The following ACAP2 variants were observed in gnomAD, a reference collection of about 807,000 sequenced individuals.
The protein encoded by ACAP2 is ArfGAP with coiled-coil, ankyrin repeat and PH domains 2, also known as arf-GAP with coiled-coil, ANK repeat and PH domain-containing protein 2.
A neutral mutation model predicts 115.8 loss-of-function variants in ACAP2; 39 were observed. The ratio of observed to expected loss-of-function variants is 0.34; its 90% confidence interval spans 0.26 to 0.44. ACAP2 has a LOEUF of 0.44. Among genes scored for constraint, ACAP2 ranks in the 20% least tolerant of loss-of-function variants. The probability of loss-of-function intolerance (pLI) is 1.00; values close to 1 mark genes in which losing one functional copy is unlikely to be tolerated. For missense variants in ACAP2, 662 were observed against 927.6 expected (o/e 0.71, Z 3.72); for synonymous variants, 289 against 315.8 (o/e 0.92, Z 0.90).
chr3:195,315,786 G>C (rs186030226), intron 10 of ACAP2, among the ~76,000 whole-genome samples: 22 of 152,250 alleles, frequency 1.4e-4, no homozygotes, highest in African/African-American at 5.1e-4. Context: ...TTGTAAATAG[G>C]AGGTAATGTC....
chr3:195,288,523 G>C (rs1726999232), intron 21 of ACAP2, among the ~76,000 whole-genome samples: 1 of 151,726 alleles, frequency 6.6e-6, no homozygotes, highest in African/African-American at 2.4e-5. Flanking sequence ...AATATTCAGG[G>C]GAAAAAAGGC....
At chr3:195,405,547 G>A (rs1488250369) in intron 1 of ACAP2, among the ~76,000 whole-genome samples, 2 of 152,150 alleles carry the variant, frequency 1.3e-5, no homozygotes, top group Non-Finnish European at 1.5e-5. Context: ...TTAGCTGGGT[G>A]TGGTGGCGCA....
intron 21 of ACAP2, among the ~76,000 whole-genome samples, chr3:195,288,282 T>C (rs1156264439): frequency 6.6e-6 from 1 of 152,226 alleles, no homozygotes; most frequent in African/African-American, 2.4e-5. Context: ...CTTCTTTTTC[T>C]ATAAAATGAA....
intron 4 of ACAP2, among the ~76,000 whole-genome samples, chr3:195,361,383 C>G (rs1022755969): frequency 6.0e-5 from 9 of 150,282 alleles, no homozygotes. Context: ...TTGCAGTGAG[C>G]AGAGATTGTG....
At chr3:195,327,008 T>A (rs990810086) in intron 8 of ACAP2, 49 bp from the exon 9 acceptor site, 7 of 1,500,490 alleles carry the variant, frequency 4.7e-6, no homozygotes, top group African/African-American at 1.4e-5. Context: ...AAGTATGGAT[T>A]AGTTTTTCAA....
chr3:195,288,614 T>C (rs1353443619), intron 21 of ACAP2, among the ~76,000 whole-genome samples: 3 of 152,132 alleles, frequency 2.0e-5, no homozygotes, highest in African/African-American at 7.2e-5. Flanking sequence ...TCCCAGCACT[T>C]TGGGAGGCCG....
intron 4 of ACAP2, among the ~76,000 whole-genome samples, chr3:195,377,042 T>C (rs2108742019): frequency 6.6e-6 from 1 of 151,934 alleles, no homozygotes; most frequent in East Asian, 2.0e-4. Flanking sequence ...AGACCAAATT[T>C]AAATCTTATA....
chr3:195,412,200 T>G (rs1236455442), intron 1 of ACAP2, among the ~76,000 whole-genome samples: 2 of 148,094 alleles, frequency 1.4e-5, no homozygotes, highest in African/African-American at 2.5e-5. Flanking sequence ...AGAATTGGCT[T>G]GTTACATGAG....
intron 1 of ACAP2, among the ~76,000 whole-genome samples, chr3:195,439,305 A>T (rs13079493): frequency 0.13 from 19,006 of 147,878 alleles, 1,554 homozygotes; most frequent in Middle Eastern, 0.24. Flanking sequence ...TCAGCTTCCC[A>T]TGTAGCTGGA....
chr3:195,289,038 C>G (rs1727058139), intron 21 of ACAP2, 83 bp downstream of exon 21: 2 of 1,070,672 alleles, frequency 1.9e-6, no homozygotes, highest in Non-Finnish European at 2.8e-6. Context: ...TCCACAGGGT[C>G]CTGGAACTAA....
intron 1 of ACAP2, among the ~76,000 whole-genome samples, chr3:195,393,810 T>G (rs1315237294): frequency 2.0e-5 from 3 of 149,292 alleles, no homozygotes; most frequent in Non-Finnish European, 4.4e-5. Context: ...TACCATTATG[T>G]GAGGCAGAAG....
chr3:195,279,435 GAAATA>G lies in ACAP2; in HGVS notation c.2237-12_2237-8del, dbSNP rs759658737. ...TCCTGATAAGTTTCATCACCTGCAT[GAAATA>G]AAATAAAGACACTTTAAACATTTAC... On this transcript the variant is annotated splice_polypyrimidine_tract_variant and splice_region_variant and intron_variant, in intron 22 of 22. Transcript: ENST00000326793. The G allele has an allele frequency of 2.3e-5, 36 of 1,539,460 alleles. No homozygotes were observed. Among genetic ancestry groups the G allele is most frequent in the East Asian group, 4.6e-5 (2 of 43,198 alleles).
rs1436249404 is a variant in ACAP2, at chr3:195,275,303, T to G, written c.*4025A>C. ...ATCACATTTTAAGTGGATAAATTTA[T>G]GTAAACAGAAAAAGATGTCCACAAA... On this transcript the variant is annotated 3_prime_UTR_variant, in exon 23 of 23. Transcript: ENST00000326793. 1.3e-5 allele frequency: 2 copies of G among 152,262 alleles called. No homozygotes were observed. The highest frequency in any genetic ancestry group is 4.8e-5 in the African/African-American group (2 of 41,470). 9.4% of individuals were successfully genotyped at this position (152,262 alleles called of 1,614,324 possible).
At chr3:195,335,001 T>C (rs958440041) in intron 7 of ACAP2, among the ~76,000 whole-genome samples, 3 of 152,188 alleles carry the variant, frequency 2.0e-5, no homozygotes, top group Non-Finnish European at 2.9e-5. Context: ...GCAAACTTTA[T>C]CAGGGCTCAC....
Position 195,301,597 on chromosome 3 carries a change from G to C in ACAP2, c.1373C>G (p.Thr458Ser), listed in dbSNP as rs146660675. 6.2e-7 allele frequency: 1 copy of C among 1,612,860 alleles called. No homozygotes were observed. The highest frequency in any genetic ancestry group is 8.5e-7 in the Non-Finnish European group (1 of 1,179,716). ...TACCTTTAAAAGTTCTGGCTCCCAG[G>C]TGTCTAAAGTTAAAGATCGTACTTT... ...FSKVRSLTLD[T>S]WEPELLKLMC... The change falls in exon 15 of 23, where the codon ACC (threonine) becomes AGC (serine). Residue 458 changes from threonine (T) to serine (S), a missense_variant. Thr to Ser is a moderately conservative substitution (Grantham distance 58, BLOSUM62 1). Coordinates refer to ENST00000326793, the MANE Select transcript of ACAP2 (RefSeq NM_012287.6).
At chr3:195,381,861 C>A in intron 3 of ACAP2, 42 bp downstream of exon 3, 1 of 1,386,068 alleles carries the variant, frequency 7.2e-7, no homozygotes, top group Non-Finnish European at 9.7e-7. Flanking sequence ...TGTCTTATTG[C>A]TTTTTTTTTT....
intron 4 of ACAP2, among the ~76,000 whole-genome samples, chr3:195,363,888 T>C (rs892802482): frequency 5.3e-5 from 8 of 152,092 alleles, no homozygotes; most frequent in East Asian, 1.9e-4. Flanking sequence ...GTTCAGTAAA[T>C]AAAGCTCAGA....
intron 8 of ACAP2, among the ~76,000 whole-genome samples, chr3:195,330,829 A>G (rs1366061674): frequency 6.7e-6 from 1 of 149,378 alleles, no homozygotes; most frequent in Non-Finnish European, 1.5e-5. Context: ...TGATATGTAC[A>G]ATTTCTAGGA....
chr3:195,382,624 T>A (rs1279541618), intron 2 of ACAP2, among the ~76,000 whole-genome samples: 3 of 152,060 alleles, frequency 2.0e-5, no homozygotes, highest in Non-Finnish European at 4.4e-5. Flanking sequence ...AAAGTGAAAC[T>A]GTTCTAGACA....
Sources: allele counts gnomAD v4.1 joint callset (sites outside exome capture counted in the v4.1 genomes callset), GRCh38; gene constraint gnomAD v4.1.1; transcripts MANE v1.5; gene names NCBI Gene and HGNC (gene_info 2026-07-23, HGNC 2026-07-21).